The following NOB1 variants were observed in gnomAD, a reference collection of about 807,000 sequenced individuals.
NOB1 encodes RNA-binding protein NOB1.
Under a neutral mutation model 44.8 loss-of-function variants are expected in NOB1, and 44 were observed. The ratio of observed to expected loss-of-function variants is 0.98; its 90% confidence interval spans 0.77 to 1.26. The LOEUF is 1.26. NOB1 is among the 50% of genes most tolerant of loss of function. The probability of loss-of-function intolerance (pLI) is 0.00; values close to 1 mark genes in which losing one functional copy is unlikely to be tolerated. For synonymous variants in NOB1, 238 were observed against 218.7 expected (o/e 1.09, Z -0.78); for missense variants, 560 against 544.8 (o/e 1.03, Z -0.28).
intron 8 of NOB1, among the ~76,000 whole-genome samples, chr16:69,744,440 T>C (rs2038411338): frequency 6.6e-6 from 1 of 152,206 alleles, no homozygotes; most frequent in African/African-American, 2.4e-5. Context: ...ATTTTACTGC[T>C]GGGAGAAGCC....
At position 69,754,895 on chromosome 16, in the gene NOB1, GCTCCA is replaced by G. The variant is rs1597619469; in HGVS notation, c.11_15del (p.Val4AlafsTer31). 3.1e-6 allele frequency: 5 copies of G among 1,591,640 alleles called. No homozygotes were observed. The highest frequency in any genetic ancestry group is 8.5e-7 in the Non-Finnish European group (1 of 1,170,310). ...AAAGCCCCAGCATCCGCCACAACGTGCTCCACTGGAGCCATGTTGGCTGCGTGAGA... is the reference window on the plus strand; with the variant it reads ...AAAGCCCCAGCATCCGCCACAACGTGCTGGAGCCATGTTGGCTGCGTGAGA... On this transcript the variant is annotated frameshift_variant, in exon 1 of 9. Transcript: ENST00000268802. LOFTEE classifies it high-confidence loss of function.
At chr16:69,754,452 T>C in intron 2 of NOB1, 142 bp downstream of exon 2, 1 of 1,177,298 alleles carries the variant, frequency 8.5e-7, no homozygotes, top group South Asian at 1.4e-5. Flanking sequence ...AGGAAGCCTC[T>C]CTCCTACCAC....
intron 2 of NOB1, among the ~76,000 whole-genome samples, chr16:69,754,212 C>T (rs2038505575): frequency 1.3e-5 from 2 of 152,194 alleles, no homozygotes; most frequent in African/African-American, 2.4e-5. Flanking sequence ...AAGAAATGGA[C>T]GAGAGTAATA....
chr16:69,747,301 G>A (rs2038441316), intron 7 of NOB1, among the ~76,000 whole-genome samples: 1 of 151,808 alleles, frequency 6.6e-6, no homozygotes, highest in African/African-American at 2.4e-5. Context: ...ACTTTAGGAG[G>A]ACAAGATAAG....
At chr16:69,748,682 T>A (rs902670709) in intron 6 of NOB1, 1 of 523,978 alleles carries the variant, frequency 1.9e-6, no homozygotes, top group African/African-American at 2.0e-5. Context: ...GAAAAAAAAA[T>A]CATAAAAAAA....
intron 1 of NOB1, 25 bp from the exon 2 acceptor site, chr16:69,754,751 G>C: frequency 1.2e-6 from 2 of 1,613,774 alleles, no homozygotes; most frequent in African/African-American, 1.3e-5. Context: ...CCCCAGCTCA[G>C]ACCCACCCGC....
At chr16:69,754,761 C>T (rs1243692437) in intron 1 of NOB1, 35 bp from the exon 2 acceptor site, 2 of 1,613,500 alleles carry the variant, frequency 1.2e-6, no homozygotes, top group Non-Finnish European at 1.7e-6. Context: ...GACCCACCCG[C>T]ACCAAGCAAC....
Position 69,742,527 on chromosome 16 carries a change from C to T in NOB1, c.1044G>A (p.Gln348=), listed in dbSNP as rs1172558508. 1 of 1,613,272 alleles carries T rather than the reference C, an allele frequency of 6.2e-7. No homozygotes were observed. Residue 348 remains glutamine (Q), a synonymous_variant, in exon 9 of 9, where the codon CAG becomes CAA. Coordinates refer to ENST00000268802, the MANE Select transcript of NOB1 (RefSeq NM_014062.3). ...GCCTGGCCTTTTGGGAGAGTCGCAG[C>T]TGAGGGAAGCGCTGATCCTCGGTGA... is the stretch of plus-strand genomic sequence containing the variant. ...PHLTEDQRFP[Q]LRLSQKARQK...
chr16:69,742,985 C>G (rs2038397865), intron 8 of NOB1, among the ~76,000 whole-genome samples: 1 of 151,044 alleles, frequency 6.6e-6, no homozygotes, highest in African/African-American at 2.5e-5. Context: ...TTCTAAAAAC[C>G]ATCCTGCATA....
At chr16:69,746,912 AAAAC>A in intron 7 of NOB1, among the ~76,000 whole-genome samples, 1 of 151,570 alleles carries the variant, frequency 6.6e-6, no homozygotes, top group East Asian at 1.9e-4. Context: ...AAAAAAACAA[AAAAC>A]CCCAAAAACC....
At chr16:69,752,665 C>T (rs1216120539) in intron 2 of NOB1, among the ~76,000 whole-genome samples, 2 of 152,162 alleles carry the variant, frequency 1.3e-5, no homozygotes, top group Admixed American at 6.5e-5. Context: ...TGGGGCCAGG[C>T]GTGGTGGCTC....
intron 7 of NOB1, among the ~76,000 whole-genome samples, chr16:69,746,482 G>A (rs1298005689): frequency 1.3e-5 from 2 of 152,250 alleles, no homozygotes; most frequent in African/African-American, 2.4e-5. Flanking sequence ...AGTCAGAAAA[G>A]CAATGAGAGG....
At position 69,754,866 on chromosome 16, in the gene NOB1, C is replaced by G; in HGVS notation, c.45G>C (p.Leu15=). ...CCCGTACCTGCAGAGCCGCATGCCG[C>G]AGGAAAGCCCCAGCATCCGCCACAA... The part of the protein sequence containing the change: ...EHVVADAGAF[L]RHAALQDIGK... The change falls in exon 1 of 9, where the codon CTG becomes CTC. Residue 15 remains leucine, a synonymous_variant. Transcript: ENST00000268802. 1 of 1,597,524 alleles carries G rather than the reference C, an allele frequency of 6.3e-7. No homozygotes were observed. The highest frequency in any genetic ancestry group is 8.5e-7 in the Non-Finnish European group (1 of 1,172,934).
At chr16:69,744,447 A>G (rs1448758705) in intron 8 of NOB1, among the ~76,000 whole-genome samples, 2 of 152,206 alleles carry the variant, frequency 1.3e-5, no homozygotes, top group Non-Finnish European at 1.5e-5. Flanking sequence ...TGCTGGGAGA[A>G]GCCAGTGCCA....
rs569105886 is a variant in NOB1 at position 69,744,961 on chromosome 16, T to C, written c.881A>G (p.Lys294Arg). ...GTCGCTGACGGTCACGGACACTTTC[T>C]TCAGGGTCTTGTTCCCACAGTGTGA... ...FCSHCGNKTL[K>R]KVSVTVSDDG... Residue 294 changes from lysine to arginine, a missense_variant, in exon 8 of 9, where the codon AAG becomes AGG. Lys to Arg is a conservative substitution (Grantham distance 26, BLOSUM62 2). Transcript: ENST00000268802. 1.3e-5 allele frequency: 21 copies of C among 1,614,162 alleles called. No homozygotes were observed. The South Asian group carries it at 1.9e-4, about 14-fold the overall frequency.
At chr16:69,751,784 G>A (rs190902535) in intron 3 of NOB1, among the ~76,000 whole-genome samples, 2 of 152,108 alleles carry the variant, frequency 1.3e-5, no homozygotes, top group African/African-American at 4.8e-5. Flanking sequence ...GGCTGAGGCC[G>A]GGCGCACTGG....
In NOB1 at chr16:69,752,440, G is replaced by A. The variant is rs987781969; in HGVS notation, c.197-69C>T. On this transcript the variant is annotated intron_variant, in intron 2 of 8. Coordinates refer to ENST00000268802, the MANE Select transcript of NOB1 (RefSeq NM_014062.3). ...ATATGACCTTGGATAACCAATGGAAGTATCAAAACAATTTAGAACAGATCA... is the reference window on the plus strand; with the variant it reads ...ATATGACCTTGGATAACCAATGGAAATATCAAAACAATTTAGAACAGATCA... 2.3e-5 allele frequency: 34 copies of A among 1,503,796 alleles called. No individual in the cohort carries two copies. The Admixed American group carries it at 5.8e-4, about 26-fold the overall frequency. The allele number at this position is 1,503,796 out of a possible 1,614,324, so 93.2% of individuals were successfully genotyped here.
Position 69,745,013 on chromosome 16 carries a change from T to C in NOB1, c.829A>G (p.Thr277Ala), listed in dbSNP as rs139171866. ...CAGAACACTCGGCTCATGTCAGACG[T>C]TGTCCTGGGAGACACAAAAGGAGAT... ...ILRCHGCFKTTSDMSRVFCSH... is the reference protein window; with the variant it reads ...ILRCHGCFKTASDMSRVFCSH... Residue 277 changes from threonine (T) to alanine (A), a missense_variant, in exon 8 of 9, where the codon ACG becomes GCG. Thr to Ala is a moderately conservative substitution (Grantham distance 58). Coordinates refer to ENST00000268802, the MANE Select transcript of NOB1 (RefSeq NM_014062.3). The C allele has an allele frequency of 1.4e-3, 2,293 of 1,613,954 alleles. 7 individuals carry two copies. Among genetic ancestry groups the C allele is most frequent in the Non-Finnish European group, 1.8e-3 (2,078 of 1,179,882 alleles).
At position 69,742,470 on chromosome 16, in the gene NOB1, G is replaced by C. The variant is rs371437900; in HGVS notation, c.1101C>G (p.Ile367Met). The change falls in exon 9 of 9, where the codon ATC (isoleucine) becomes ATG (methionine). Residue 367 changes from isoleucine to methionine, a missense_variant. Physicochemically the swap from Ile to Met is conservative, Grantham distance 10. Transcript: ENST00000268802. ...QKTNVFAPDYIAGVSPFVEND... is the reference protein window; with the variant it reads ...QKTNVFAPDYMAGVSPFVEND... Reference sequence around the variant, plus strand: ...TCTCGACAAAGGGTGACACCCCGGCGATGTAGTCAGGGGCGAACACGTTGG... The same window carrying C: ...TCTCGACAAAGGGTGACACCCCGGCCATGTAGTCAGGGGCGAACACGTTGG... 1.2e-6 allele frequency: 2 copies of C among 1,614,234 alleles called. No individual in the cohort carries two copies. The highest frequency in any genetic ancestry group is 3.3e-5 in the Admixed American group (2 of 60,022).
Sources: gnomAD v4.1 joint callset for allele counts (sites outside exome capture counted in the v4.1 genomes callset) on GRCh38, gnomAD v4.1.1 for gene constraint, MANE v1.5 for transcripts, NCBI Gene and HGNC (gene_info 2026-07-23, HGNC 2026-07-21) for gene names.